SLC28A3: variants seen among roughly 807,000 people sequenced by gnomAD.
SLC28A3 encodes the protein concentrative Na(+)-nucleoside cotransporter 3.
Under a neutral mutation model 84.2 loss-of-function variants are expected in SLC28A3, and 68 were observed. The ratio of observed to expected loss-of-function variants is 0.81; its 90% CI spans 0.66 to 0.99. SLC28A3 has a LOEUF of 0.99. SLC28A3 is among the 50% of genes least tolerant of loss of function. The pLI, the probability that SLC28A3 is intolerant of heterozygous loss-of-function variation, is 0.00. For missense variants in SLC28A3, 712 were observed against 841.5 expected (o/e 0.85, Z 1.90); for synonymous variants, 267 against 303.6 (o/e 0.88, Z 1.25).
the SLC28A3 span, among the ~76,000 whole-genome samples, chr9:84,350,995 C>T: frequency 7.9e-5 from 12 of 152,288 alleles, no homozygotes; most frequent in South Asian, 6.2e-4. Flanking sequence ...GCATGAGCAA[C>T]GGTGCCCAGT....
At position 84,294,200 on chromosome 9, in the gene SLC28A3, TAA is replaced by T. The variant is rs1409627113; in HGVS notation, c.935_936del (p.Ile312LysfsTer17). On this transcript the variant is annotated frameshift_variant, in exon 9 of 18. Transcript: ENST00000376238. LOFTEE classifies it high-confidence loss of function. ...LYYLGLMQWI[I>X]RKVGWIMLVT... ...GTCCCTCCCAGCCCCAGTACCTTTC[TAA>T]TAATCCACTGCATCAGTCCCAGGTA... 2 of 1,613,996 alleles carry T rather than the reference TAA, an allele frequency of 1.2e-6. No homozygotes were observed. The highest frequency in any genetic ancestry group is 1.7e-6 in the Non-Finnish European group (2 of 1,179,884).
intron 1 of SLC28A3, among the ~76,000 whole-genome samples, chr9:84,324,613 C>T (rs982473240): frequency 4.0e-5 from 6 of 150,952 alleles, no homozygotes; most frequent in African/African-American, 1.5e-4. Context: ...CACTGCACTC[C>T]ACATCCAGCC....
At chr9:84,326,776 TG>T (rs1264259844) in intron 1 of SLC28A3, among the ~76,000 whole-genome samples, 1 of 152,118 alleles carries the variant, frequency 6.6e-6, no homozygotes, top group East Asian at 1.9e-4. Flanking sequence ...CAGGCCAATG[TG>T]GGGAGATCAC....
In SLC28A3 at chr9:84,276,605, T is replaced by A. The variant is rs1824535808; in HGVS notation, c.*1613A>T. The stretch of plus-strand genomic sequence containing the variant: ...AATGGGGGGAAAACATGCAAATATA[T>A]TTTCCTAAAATAAAGTCTGAAGACT... On this transcript the variant is annotated 3_prime_UTR_variant, in exon 18 of 18. Transcript: ENST00000376238. The A allele has an allele frequency of 2.0e-5, 3 of 152,124 alleles. No individual in the cohort carries two copies. The South Asian group carries it at 6.2e-4, about 32-fold the overall frequency. 9.4% of individuals were successfully genotyped at this position (152,124 alleles called of 1,614,324 possible).
intron 1 of SLC28A3, among the ~76,000 whole-genome samples, chr9:84,331,047 A>G (rs1041723018): frequency 1.3e-5 from 2 of 152,196 alleles, no homozygotes; most frequent in African/African-American, 4.8e-5. Flanking sequence ...GAGTGTTTGA[A>G]TGAGGAAAAA....
chr9:84,294,024 A>G (rs1825327527), intron 9 of SLC28A3, among the ~76,000 whole-genome samples, 171 bp downstream of exon 9: 1 of 152,236 alleles, frequency 6.6e-6, no homozygotes, highest in East Asian at 1.9e-4. Flanking sequence ...AATTCCCTCC[A>G]TGGACACATT....
At chr9:84,285,597 G>A in intron 13 of SLC28A3, 55 bp from the exon 14 acceptor site, 1 of 1,587,734 alleles carries the variant, frequency 6.3e-7, no homozygotes, top group South Asian at 1.1e-5. Context: ...TTTCAGTTTT[G>A]CCTCCTCAGT....
At chr9:84,339,534 G>A (rs1216387124) in intron 1 of SLC28A3, among the ~76,000 whole-genome samples, 2 of 152,270 alleles carry the variant, frequency 1.3e-5, no homozygotes, top group Admixed American at 6.5e-5. Flanking sequence ...ACAGGCATGA[G>A]GCACCACTGC....
intron 2 of SLC28A3, chr9:84,310,431 A>T: frequency 4.1e-6 from 4 of 985,412 alleles, no homozygotes; most frequent in Non-Finnish European, 4.8e-6. Context: ...GTCTCCAATA[A>T]TGTCTCAAAT....
intron 4 of SLC28A3, among the ~76,000 whole-genome samples, chr9:84,302,944 G>T (rs895477577): frequency 1.2e-4 from 19 of 152,184 alleles, no homozygotes; most frequent in Admixed American, 4.6e-4. Context: ...TAAGAATAAG[G>T]TTTCCTATTC....
intron 1 of SLC28A3, among the ~76,000 whole-genome samples, chr9:84,322,321 C>T (rs1826407468): frequency 6.6e-6 from 1 of 152,244 alleles, no homozygotes; most frequent in South Asian, 2.1e-4. Context: ...CATCTTGGAA[C>T]ATCTTGAATA....
At chr9:84,331,181 A>G (rs1826768918) in intron 1 of SLC28A3, among the ~76,000 whole-genome samples, 1 of 152,164 alleles carries the variant, frequency 6.6e-6, no homozygotes, top group African/African-American at 2.4e-5. Flanking sequence ...AAGAGTAGAG[A>G]ATATACTTTT....
chr9:84,293,591 G>A (rs1053672365), intron 9 of SLC28A3, among the ~76,000 whole-genome samples: 5 of 152,174 alleles, frequency 3.3e-5, no homozygotes, highest in Non-Finnish European at 4.4e-5. Flanking sequence ...ATTAGCTGAC[G>A]GAGCTCCTTG....
At chr9:84,282,121 G>A (rs768759543) in intron 14 of SLC28A3, among the ~76,000 whole-genome samples, 2 of 152,236 alleles carry the variant, frequency 1.3e-5, no homozygotes, top group African/African-American at 2.4e-5. Context: ...CAGCCTGGGC[G>A]ACAGAGTGAG....
At chr9:84,367,542 A>G in the SLC28A3 span, among the ~76,000 whole-genome samples, 1 of 152,202 alleles carries the variant, frequency 6.6e-6, no homozygotes, top group South Asian at 2.1e-4. Flanking sequence ...GCATAGAGAA[A>G]GAACAGTGGG....
At chr9:84,307,879 A>G (rs1397246346) in intron 3 of SLC28A3, among the ~76,000 whole-genome samples, 1 of 152,126 alleles carries the variant, frequency 6.6e-6, no homozygotes, top group Non-Finnish European at 1.5e-5. Context: ...ATAATTCCCA[A>G]CCTCCTGATG....
intron 11 of SLC28A3, among the ~76,000 whole-genome samples, chr9:84,288,937 C>G (rs1825105829): frequency 6.6e-6 from 1 of 152,150 alleles, no homozygotes; most frequent in African/African-American, 2.4e-5. Flanking sequence ...ATTCTCCTCT[C>G]TCCATCTTCC....
At chr9:84,305,938 GT>G (rs984888223) in intron 3 of SLC28A3, among the ~76,000 whole-genome samples, 6 of 152,184 alleles carry the variant, frequency 3.9e-5, no homozygotes, top group Non-Finnish European at 7.3e-5. Context: ...CTCTGGAGTT[GT>G]TGGAATGTCT....
At chr9:84,340,816 C>A, upstream of SLC28A3, 16 of 541,366 alleles carry the variant, frequency 3.0e-5, no homozygotes, top group East Asian at 6.5e-5. Flanking sequence ...TGGGGTGGGG[C>A]AGAGAGGCGG....
Sources: gnomAD v4.1 joint callset for allele counts (sites outside exome capture counted in the v4.1 genomes callset) on GRCh38, gnomAD v4.1.1 for gene constraint, MANE v1.5 for transcripts, NCBI Gene and HGNC (gene_info 2026-07-23, HGNC 2026-07-21) for gene names.